The following DENND1B variants were observed in gnomAD, a reference collection of about 807,000 sequenced individuals.
DENND1B encodes the protein DENN domain containing 1B, also known as DENN domain-containing protein 1B.
Under a neutral mutation model 90.1 loss-of-function variants are expected in DENND1B, and 59 were observed. The ratio of observed to expected loss-of-function variants is 0.65; its 90% confidence interval spans 0.53 to 0.81. The LOEUF is 0.81. DENND1B is among the 40% of genes least tolerant of loss of function. DENND1B has a pLI of 0.00. For synonymous variants in DENND1B, 337 were observed against 324.6 expected, an observed-to-expected ratio of 1.04 and a Z score of -0.41; for missense variants, 862 against 912.6, an observed-to-expected ratio of 0.94 and a Z score of 0.71.
At chr1:197,707,006 A>G (rs992140805) in intron 3 of DENND1B, among the ~76,000 whole-genome samples, 2 of 152,222 alleles carry the variant, frequency 1.3e-5, no homozygotes, top group Non-Finnish European at 2.9e-5. Flanking sequence ...TATGGAATCA[A>G]CCTAAGTGTC....
chr1:197,625,730 A>G (rs1678634843), intron 10 of DENND1B, among the ~76,000 whole-genome samples: 1 of 152,116 alleles, frequency 6.6e-6, no homozygotes, highest in African/African-American at 2.4e-5. Flanking sequence ...AAATTGGATA[A>G]AGAGTCAAGA....
At chr1:197,531,112 G>A (rs373843243) in intron 20 of DENND1B, among the ~76,000 whole-genome samples, 5 of 152,200 alleles carry the variant, frequency 3.3e-5, no homozygotes, top group Non-Finnish European at 4.4e-5. Flanking sequence ...TGAAAAACGC[G>A]GATAATAATT....
chr1:197,643,752 T>C (rs1572171655), intron 9 of DENND1B, among the ~76,000 whole-genome samples: 1 of 152,244 alleles, frequency 6.6e-6, no homozygotes, highest in Non-Finnish European at 1.5e-5. Context: ...GATTCCTTAA[T>C]TTAGCACTCT....
intron 20 of DENND1B, among the ~76,000 whole-genome samples, chr1:197,536,428 G>A (rs901179111): frequency 1.3e-5 from 2 of 151,930 alleles, no homozygotes; most frequent in South Asian, 2.1e-4. Context: ...AAACGTACCC[G>A]CTCTGCTTTT....
chr1:197,579,161 C>G (rs946512094), intron 15 of DENND1B, among the ~76,000 whole-genome samples: 13 of 152,182 alleles, frequency 8.5e-5, no homozygotes, highest in Non-Finnish European at 1.3e-4. Flanking sequence ...CATAGCAAAA[C>G]CTAAATTACT....
At chr1:197,758,228 C>A (rs1654556528) in intron 2 of DENND1B, among the ~76,000 whole-genome samples, 1 of 152,158 alleles carries the variant, frequency 6.6e-6, no homozygotes, top group Non-Finnish European at 1.5e-5. Flanking sequence ...AATCACAGCG[C>A]AAAATACCAA....
At chr1:197,715,254 T>A (rs1206542274) in intron 2 of DENND1B, among the ~76,000 whole-genome samples, 180 bp from the exon 3 acceptor site, 2 of 151,470 alleles carry the variant, frequency 1.3e-5, no homozygotes, top group Non-Finnish European at 2.9e-5. Context: ...AATATTTTGA[T>A]TTTTTAAGAA....
chr1:197,559,884 T>C (rs1252075332), intron 15 of DENND1B, among the ~76,000 whole-genome samples: 2 of 151,918 alleles, frequency 1.3e-5, no homozygotes, highest in East Asian at 3.9e-4. Context: ...AAACACAAAC[T>C]GCCTACAACA....
intron 2 of DENND1B, among the ~76,000 whole-genome samples, chr1:197,765,023 T>C (rs546740700): frequency 6.6e-6 from 1 of 152,314 alleles, no homozygotes; most frequent in South Asian, 2.1e-4. Context: ...CCATACTCCA[T>C]GGGATTATAC....
At chr1:197,683,578 G>C (rs1379837090) in intron 3 of DENND1B, among the ~76,000 whole-genome samples, 1 of 152,124 alleles carries the variant, frequency 6.6e-6, no homozygotes, top group Non-Finnish European at 1.5e-5. Context: ...GCTCCACAGA[G>C]AGAACCTGGT....
rs939179490 is a variant in DENND1B at position 197,507,046 on chromosome 1, G to A, written c.*3414C>T. The A allele has an allele frequency of 6.6e-6, 1 of 150,920 alleles. No individual in the cohort carries two copies. The highest frequency in any genetic ancestry group is 2.4e-5 in the African/African-American group (1 of 41,218). 9.3% of individuals were successfully genotyped at this position (150,920 alleles called of 1,614,324 possible). On this transcript the variant is annotated 3_prime_UTR_variant, in exon 23 of 23. Transcript: ENST00000620048. ...TAATGAAATTAGAAATGATACTATG[G>A]TTCATACTTAGAGCATGCTTTAAAT...
chr1:197,577,587 C>G (rs1292916424), intron 15 of DENND1B, among the ~76,000 whole-genome samples: 1 of 152,096 alleles, frequency 6.6e-6, no homozygotes, highest in Non-Finnish European at 1.5e-5. Flanking sequence ...GCCTTAATAA[C>G]AAGCAATGTA....
intron 2 of DENND1B, chr1:197,734,187 T>G (rs945913518): frequency 1.1e-6 from 1 of 876,550 alleles, no homozygotes; most frequent in African/African-American, 1.8e-5. Context: ...AACAGTAAAC[T>G]AAAAAGTAGA....
chr1:197,585,709 A>C lies in DENND1B; in HGVS notation c.1048-2456T>G, dbSNP rs1484206965. On this transcript the variant is annotated intron_variant, in intron 14 of 22. Transcript: ENST00000620048. Reference sequence around the variant, plus strand: ...TAATAACAAAAGGCAAAGCACTGACACATCAGAATTTTCTCTCAAGGAGAA... The same window carrying C: ...TAATAACAAAAGGCAAAGCACTGACCCATCAGAATTTTCTCTCAAGGAGAA... Among the ~76,000 whole-genome samples the C allele has an allele frequency of 2.0e-5, 3 of 152,370 alleles. No homozygotes were observed. In the East Asian group the frequency reaches 5.8e-4, roughly 29 times the overall value.
chr1:197,731,494 T>C (rs761118640), intron 2 of DENND1B, among the ~76,000 whole-genome samples: 110 of 152,122 alleles, frequency 7.2e-4, no homozygotes, highest in Non-Finnish European at 1.4e-3. Flanking sequence ...TTCAGTAGTA[T>C]ATAATTATAT....
At chr1:197,601,945 T>C (rs1037815784) in intron 13 of DENND1B, among the ~76,000 whole-genome samples, 6 of 151,680 alleles carry the variant, frequency 4.0e-5, no homozygotes, top group Admixed American at 3.9e-4. Flanking sequence ...ACAAAAAAAC[T>C]ACTTTGTAAA....
At chr1:197,747,351 T>A in intron 2 of DENND1B, 1 of 552,314 alleles carries the variant, frequency 1.8e-6, no homozygotes, top group Non-Finnish European at 3.4e-6. Flanking sequence ...CTCTTTATCT[T>A]CTTGTGAGTT....
At chr1:197,776,070 G>T (rs1401722449), upstream of DENND1B, among the ~76,000 whole-genome samples, 3 of 152,318 alleles carry the variant, frequency 2.0e-5, no homozygotes, top group Non-Finnish European at 4.4e-5. Flanking sequence ...AGACTGCAGT[G>T]ATAACCAAGG....
Position 197,768,862 on chromosome 1 carries a change from C to CAA in DENND1B, c.82+4004_82+4005dup, listed in dbSNP as rs761475933. Among the ~76,000 whole-genome samples the CAA allele has an allele frequency of 1.7e-3, 228 of 135,214 alleles. 1 individual carries two copies. Among genetic ancestry groups the CAA allele is most frequent in the African/African-American group, 5.9e-3 (217 of 36,962 alleles). The allele number at this position is 135,214 out of a possible 152,430, so 88.7% of individuals were successfully genotyped here. A position where few individuals can be genotyped will look rare whatever the true frequency, so the allele number is the denominator to read the frequency against. On this transcript the variant is annotated intron_variant, in intron 2 of 22. Transcript: ENST00000620048. Reference sequence around the variant, plus strand: ...AGAATGTTCTGAAATGTGTTGTTCTCAAAAAAAAAAAAATCAATATAATGC... The same window carrying CAA: ...AGAATGTTCTGAAATGTGTTGTTCTCAAAAAAAAAAAAAAATCAATATAATGC...
Sources: gnomAD v4.1 joint callset for allele counts (sites outside exome capture counted in the v4.1 genomes callset) on GRCh38, gnomAD v4.1.1 for gene constraint, MANE v1.5 for transcripts, NCBI Gene and HGNC (gene_info 2026-07-23, HGNC 2026-07-21) for gene names.